Variants in ZNF131 observed in about 807,000 individuals in gnomAD.
ZNF131 encodes zinc finger and BTB domain containing 35, also known as zinc finger protein 131.
ZNF131 carries 7 observed loss-of-function variants against 60.0 expected under a neutral mutation model. The ratio of observed to expected loss-of-function variants is 0.12; its 90% confidence interval spans 0.07 to 0.22. The LOEUF (loss-of-function observed/expected upper bound fraction) is 0.22. Among genes scored for constraint, ZNF131 ranks in the 10% least tolerant of loss-of-function variants. ZNF131 has a pLI of 1.00. For synonymous variants in ZNF131, 257 were observed against 253.2 expected (o/e 1.01, Z -0.14); for missense variants, 493 against 740.9 (o/e 0.67, Z 3.88).
At chr5:43,174,241 G>A (rs1428072039) in intron 6 of ZNF131, among the ~76,000 whole-genome samples, 1 of 152,152 alleles carries the variant, frequency 6.6e-6, no homozygotes, top group Non-Finnish European at 1.5e-5. Flanking sequence ...ACAAAAGAAT[G>A]TATTTAGGTT....
chr5:43,142,460 C>A (rs1746977004), intron 4 of ZNF131, among the ~76,000 whole-genome samples: 1 of 151,118 alleles, frequency 6.6e-6, no homozygotes, highest in African/African-American at 2.4e-5. Flanking sequence ...TCCGCCACCA[C>A]ACCCGGCTAA....
At chr5:43,121,557 C>G (rs986715795) in intron 1 of ZNF131, 1 of 152,734 alleles carries the variant, frequency 6.5e-6, no homozygotes, top group South Asian at 2.0e-4. Context: ...TGGGCCGCTC[C>G]TCCTTCCCTC....
intron 5 of ZNF131, among the ~76,000 whole-genome samples, chr5:43,165,345 G>C (rs1033431432): frequency 6.6e-6 from 1 of 151,520 alleles, no homozygotes; most frequent in Non-Finnish European, 1.5e-5. Context: ...TCCTTACATG[G>C]TTTTATCCTC....
intron 4 of ZNF131, among the ~76,000 whole-genome samples, chr5:43,144,112 C>T (rs1261265959): frequency 3.3e-5 from 5 of 149,690 alleles, no homozygotes; most frequent in African/African-American, 4.9e-5. Flanking sequence ...TTAGTAGGGA[C>T]GAGATTTCAC....
At chr5:43,123,448 C>CTG in intron 3 of ZNF131, 138 bp downstream of exon 3, 1 of 610,436 alleles carries the variant, frequency 1.6e-6, no homozygotes, top group Non-Finnish European at 2.7e-6. Context: ...AGGAAATAGG[C>CTG]ATCAGTAGTT....
At chr5:43,166,936 G>A (rs1181684849) in intron 5 of ZNF131, among the ~76,000 whole-genome samples, 1 of 152,224 alleles carries the variant, frequency 6.6e-6, no homozygotes, top group Non-Finnish European at 1.5e-5. Flanking sequence ...GGGATTACAG[G>A]CATGAGCCAC....
intron 3 of ZNF131, among the ~76,000 whole-genome samples, chr5:43,136,437 AAATC>A (rs1285645898): frequency 3.3e-5 from 5 of 150,680 alleles, no homozygotes; most frequent in African/African-American, 7.3e-5. Context: ...TGGACTAGCC[AAATC>A]AATCTTGAAA....
chr5:43,129,569 T>A (rs1745034495), intron 3 of ZNF131, among the ~76,000 whole-genome samples: 1 of 152,238 alleles, frequency 6.6e-6, no homozygotes, highest in Non-Finnish European at 1.5e-5. Flanking sequence ...CATGTTAGTA[T>A]TCACTCTTAA....
At chr5:43,151,878 T>C (rs1289797211) in intron 4 of ZNF131, among the ~76,000 whole-genome samples, 1 of 152,172 alleles carries the variant, frequency 6.6e-6, no homozygotes, top group Non-Finnish European at 1.5e-5. Flanking sequence ...CCTGCATCAG[T>C]GTAGAGGCAC....
chr5:43,160,784 A>G (rs1749596699), intron 4 of ZNF131, among the ~76,000 whole-genome samples: 1 of 149,890 alleles, frequency 6.7e-6, no homozygotes, highest in South Asian at 2.1e-4. Context: ...CCTGGGTTCA[A>G]GTGATTCTCC....
chr5:43,126,297 C>T (rs995546327), intron 3 of ZNF131, among the ~76,000 whole-genome samples: 2 of 152,150 alleles, frequency 1.3e-5, no homozygotes, highest in Admixed American at 1.3e-4. Flanking sequence ...TTCACTTTAG[C>T]GGGCAGTTAA....
At chr5:43,121,991 C>G in intron 1 of ZNF131, 48 bp from the exon 2 acceptor site, 1 of 1,574,488 alleles carries the variant, frequency 6.4e-7, no homozygotes, top group Non-Finnish European at 8.6e-7. Context: ...GGGTTTTGTT[C>G]CTCGGCTCGA....
At chr5:43,148,026 C>T (rs1435132575) in intron 4 of ZNF131, among the ~76,000 whole-genome samples, 4 of 147,992 alleles carry the variant, frequency 2.7e-5, no homozygotes, top group African/African-American at 9.9e-5. Context: ...TGTACTCCAG[C>T]CTGAGCGACA....
Position 43,133,010 on chromosome 5 carries a change from T to C in ZNF131, c.227-6155T>C, listed in dbSNP as rs376402832. ...TTCTTAGTCTAAAATCTATGTTAAA[T>C]GTAGGTTTTCTTTTTGTTTTTCTTA... On this transcript the variant is annotated intron_variant, in intron 3 of 6. Transcript: ENST00000682664. Among the ~76,000 whole-genome samples the C allele has an allele frequency of 5.3e-5, 8 of 152,330 alleles. No homozygotes were observed. In the East Asian group the frequency reaches 1.5e-3, roughly 29 times the overall value.
At position 43,165,785 on chromosome 5, in the gene ZNF131, T is replaced by C. The variant is rs149910515; in HGVS notation, c.1054+3854T>C. On this transcript the variant is annotated intron_variant, in intron 5 of 6. Transcript: ENST00000682664. ...AGAAAGTTATCTGTCCTTTAAAGCT[T>C]TGAAGCCAGTCATTGACTTCTCCCT... Among the ~76,000 whole-genome samples, 286 of 152,336 alleles carry C rather than the reference T, an allele frequency of 1.9e-3. 2 individuals are homozygous for C. The highest frequency in any genetic ancestry group is 6.6e-3 in the African/African-American group (274 of 41,588).
chr5:43,173,143 G>C (rs1240836459), intron 5 of ZNF131, 175 bp from the exon 6 acceptor site: 1 of 553,336 alleles, frequency 1.8e-6, no homozygotes, highest in Non-Finnish European at 3.0e-6. Context: ...TATTATTTTT[G>C]CTACCTCTAG....
At chr5:43,137,593 C>T (rs1235486041) in intron 3 of ZNF131, among the ~76,000 whole-genome samples, 1 of 150,734 alleles carries the variant, frequency 6.6e-6, no homozygotes, top group Non-Finnish European at 1.5e-5. Flanking sequence ...AAAAAGACAA[C>T]TAGTATTGGT....
At chr5:43,160,761 C>A (rs988648008) in intron 4 of ZNF131, among the ~76,000 whole-genome samples, 1 of 149,328 alleles carries the variant, frequency 6.7e-6, no homozygotes, top group South Asian at 2.2e-4. Flanking sequence ...TTGGCTCACC[C>A]CAACCTCCGC....
chr5:43,170,057 A>T (rs1263461937), intron 5 of ZNF131, among the ~76,000 whole-genome samples: 2 of 152,152 alleles, frequency 1.3e-5, no homozygotes, highest in African/African-American at 4.8e-5. Context: ...CCCTAATAAT[A>T]TGCACATTTT....
Sources: allele counts gnomAD v4.1 joint callset (sites outside exome capture counted in the v4.1 genomes callset), GRCh38; gene constraint gnomAD v4.1.1; transcripts MANE v1.5; gene names NCBI Gene and HGNC (gene_info 2026-07-23, HGNC 2026-07-21).